The following SLC9A9 variants were observed in gnomAD, a reference collection of about 807,000 sequenced individuals.
SLC9A9 encodes the protein sodium/hydrogen exchanger 9.
In SLC9A9, 62 loss-of-function variants were observed where a neutral mutation model predicts 77.8. That is an observed-to-expected ratio of 0.80 (90% confidence interval 0.65 to 0.98). The LOEUF is 0.98. Among genes scored for constraint, SLC9A9 ranks in the 50% least tolerant of loss-of-function variants. The pLI, the probability that SLC9A9 is intolerant of heterozygous loss-of-function variation, is 0.00. For missense variants in SLC9A9, 775 were observed against 774.9 expected (o/e 1.00, Z 0.00); for synonymous variants, 320 against 283.5 (o/e 1.13, Z -1.29).
intron 13 of SLC9A9, among the ~76,000 whole-genome samples, chr3:143,364,418 A>G (rs2032839790): frequency 6.6e-6 from 1 of 151,862 alleles, no homozygotes; most frequent in African/African-American, 2.4e-5. Flanking sequence ...CTATGTCTGG[A>G]CCCCCAGTTT....
intron 14 of SLC9A9, among the ~76,000 whole-genome samples, chr3:143,321,852 A>T (rs1213343025): frequency 6.6e-6 from 1 of 152,240 alleles, no homozygotes; most frequent in African/African-American, 2.4e-5. Context: ...TTTAGGCTAT[A>T]GACCCTTTGG....
chr3:143,713,912 A>G lies in SLC9A9; in HGVS notation c.534-20605T>C, dbSNP rs559007619. The stretch of plus-strand genomic sequence containing the variant: ...TAACAATATTTTCTAGCATTTAGTC[A>G]GTTATCAAAGCAAAAATTTTAAAAA... On this transcript the variant is annotated intron_variant, in intron 4 of 15. Transcript: ENST00000316549. 7.9e-5 allele frequency among the ~76,000 whole-genome samples: 12 copies of G among 152,368 alleles called. No individual in the cohort carries two copies. In the South Asian group the frequency reaches 2.3e-3, roughly 29 times the overall value.
intron 9 of SLC9A9, among the ~76,000 whole-genome samples, chr3:143,509,005 A>G (rs186547507): frequency 3.9e-5 from 6 of 152,318 alleles, no homozygotes; most frequent in Admixed American, 2.6e-4. Flanking sequence ...AAAGAAAATA[A>G]AAAGCTACAA....
At chr3:143,767,966 C>T (rs201928096) in intron 4 of SLC9A9, among the ~76,000 whole-genome samples, 2 of 151,628 alleles carry the variant, frequency 1.3e-5, no homozygotes, top group African/African-American at 2.4e-5. Flanking sequence ...CTAATGTTTG[C>T]TTTGCTGTTA....
intron 6 of SLC9A9, among the ~76,000 whole-genome samples, chr3:143,581,953 A>G (rs531912066): frequency 6.6e-6 from 1 of 152,342 alleles, no homozygotes; most frequent in Admixed American, 6.5e-5. Context: ...GATGCCCAGG[A>G]CACAGCCTGT....
chr3:143,510,870 T>C (rs780967367), intron 9 of SLC9A9, among the ~76,000 whole-genome samples: 2 of 152,180 alleles, frequency 1.3e-5, no homozygotes, highest in Non-Finnish European at 2.9e-5. Flanking sequence ...CTCAGTAATG[T>C]TCAGAAGGAA....
At chr3:143,657,872 C>G (rs1261632096) in intron 5 of SLC9A9, among the ~76,000 whole-genome samples, 1 of 150,918 alleles carries the variant, frequency 6.6e-6, no homozygotes, top group Admixed American at 6.6e-5. Context: ...TTTATTTATT[C>G]ATTTTATTTT....
At chr3:143,280,114 G>A (rs1938172303) in intron 14 of SLC9A9, among the ~76,000 whole-genome samples, 1 of 151,904 alleles carries the variant, frequency 6.6e-6, no homozygotes, top group African/African-American at 2.4e-5. Context: ...AGTCACCAGG[G>A]CCTGCCTAGA....
intron 14 of SLC9A9, among the ~76,000 whole-genome samples, chr3:143,297,006 G>A (rs1578271477): frequency 6.6e-6 from 1 of 152,184 alleles, no homozygotes; most frequent in Admixed American, 6.5e-5. Context: ...TCCTTTACAT[G>A]CAGAAGCCTT....
At position 143,817,263 on chromosome 3, in the gene SLC9A9, C is replaced by T. The variant is rs2009043979; in HGVS notation, c.378+14756G>A. On this transcript the variant is annotated intron_variant, in intron 2 of 15. Coordinates refer to ENST00000316549, the MANE Select transcript of SLC9A9 (RefSeq NM_173653.4). ...TCCCAGGTTCACGCCATTCTCCTGC[C>T]TCAGCCTCCCGAGTAGCTGGGACTA... Among the ~76,000 whole-genome samples, 5 of 150,918 alleles carry T rather than the reference C, an allele frequency of 3.3e-5. No individual in the cohort carries two copies. The South Asian group carries it at 8.4e-4, about 25-fold the overall frequency.
At chr3:143,657,623 CA>C (rs1241291233) in intron 5 of SLC9A9, among the ~76,000 whole-genome samples, 1 of 152,200 alleles carries the variant, frequency 6.6e-6, no homozygotes, top group Non-Finnish European at 1.5e-5. Flanking sequence ...CATGATGCAA[CA>C]GATTGAATGC....
At chr3:143,816,480 T>C (rs1463843853) in intron 2 of SLC9A9, among the ~76,000 whole-genome samples, 4 of 152,266 alleles carry the variant, frequency 2.6e-5, no homozygotes, top group Non-Finnish European at 5.9e-5. Context: ...CAACATAGTT[T>C]TTGAGATTTA....
chr3:143,295,877 T>C (rs990018586), intron 14 of SLC9A9, among the ~76,000 whole-genome samples: 5 of 152,068 alleles, frequency 3.3e-5, no homozygotes, highest in African/African-American at 1.2e-4. Flanking sequence ...GCTCTCCCCT[T>C]AACAGCCTTT....
chr3:143,713,288 A>G (rs927933405), intron 4 of SLC9A9, among the ~76,000 whole-genome samples: 1 of 152,202 alleles, frequency 6.6e-6, no homozygotes, highest in Non-Finnish European at 1.5e-5. Context: ...ATCTCAGCTA[A>G]CACAGTTTCT....
At chr3:143,549,739 C>T (rs773918545) in intron 9 of SLC9A9, among the ~76,000 whole-genome samples, 26 of 152,064 alleles carry the variant, frequency 1.7e-4, no homozygotes, top group Admixed American at 9.2e-4. Flanking sequence ...CCATGAGATG[C>T]GTTATCTTTG....
At chr3:143,602,269 G>A (rs2037857564) in intron 6 of SLC9A9, among the ~76,000 whole-genome samples, 1 of 152,186 alleles carries the variant, frequency 6.6e-6, no homozygotes, top group African/African-American at 2.4e-5. Flanking sequence ...AGCCCAGTCT[G>A]GAGCAAAGAG....
intron 9 of SLC9A9, among the ~76,000 whole-genome samples, chr3:143,533,353 G>A (rs2108623475): frequency 6.6e-6 from 1 of 152,274 alleles, no homozygotes; most frequent in South Asian, 2.1e-4. Flanking sequence ...CCCAGATGCT[G>A]AGGTTCTATG....
chr3:143,526,519 T>C (rs2036408442), intron 9 of SLC9A9, among the ~76,000 whole-genome samples: 1 of 152,192 alleles, frequency 6.6e-6, no homozygotes, highest in Non-Finnish European at 1.5e-5. Context: ...CTGCCCCTAA[T>C]TTAAGAGAAG....
At chr3:143,330,056 C>A (rs1232466095) in intron 14 of SLC9A9, among the ~76,000 whole-genome samples, 1 of 152,140 alleles carries the variant, frequency 6.6e-6, no homozygotes, top group East Asian at 1.9e-4. Flanking sequence ...CTGGCTGTGA[C>A]CTCCCCCATG....
Sources: allele counts gnomAD v4.1 joint callset (sites outside exome capture counted in the v4.1 genomes callset), GRCh38; gene constraint gnomAD v4.1.1; transcripts MANE v1.5; gene names NCBI Gene and HGNC (gene_info 2026-07-23, HGNC 2026-07-21).